Variants in CLHC1 observed in about 807,000 individuals in gnomAD.
CLHC1 encodes clathrin heavy chain linker domain containing 1.
In CLHC1, 72 loss-of-function variants were observed where a neutral mutation model predicts 69.5. The ratio of observed to expected loss-of-function variants is 1.04; its 90% CI spans 0.86 to 1.26. The LOEUF (loss-of-function observed/expected upper bound fraction) is 1.26. CLHC1 is among the 50% of genes most tolerant of loss of function. CLHC1 has a pLI of 0.00. For missense variants in CLHC1, 790 were observed against 679.3 expected (o/e 1.16, Z -1.81); for synonymous variants, 223 against 224.3 (o/e 0.99, Z 0.05).
intron 9 of CLHC1, among the ~76,000 whole-genome samples, chr2:55,187,279 CAAATA>C (rs58159859): frequency 0.13 from 16,145 of 127,158 alleles, 1,143 homozygotes; most frequent in East Asian, 0.2. Context: ...AACTCCATCT[CAAATA>C]AAATAAAATA....
chr2:55,195,594 G>C (rs1429216082), intron 9 of CLHC1, among the ~76,000 whole-genome samples: 3 of 152,120 alleles, frequency 2.0e-5, no homozygotes, highest in Non-Finnish European at 4.4e-5. Context: ...TTGAGGTCAG[G>C]AATTCGAGAC....
At position 55,210,394 on chromosome 2, in the gene CLHC1, C is replaced by T. The variant is rs1035926718; in HGVS notation, c.500-563G>A. Among the ~76,000 whole-genome samples, 4 of 151,766 alleles carry T rather than the reference C, an allele frequency of 2.6e-5. 1 individual carries two copies. In the Middle Eastern group the frequency reaches 0.01, roughly 387 times the overall value. On this transcript the variant is annotated intron_variant, in intron 5 of 12. Coordinates refer to ENST00000401408, the MANE Select transcript of CLHC1 (RefSeq NM_152385.4). ...TATTTTTAGTAGAGATGGGGTTTCA[C>T]CATGTTGGCCAGGCTGGTCTTGAAC...
At chr2:55,196,931 A>G (rs978162579) in intron 9 of CLHC1, among the ~76,000 whole-genome samples, 5 of 152,184 alleles carry the variant, frequency 3.3e-5, no homozygotes, top group African/African-American at 1.2e-4. Context: ...CTTGGATGGC[A>G]TTTATGGACC....
intron 5 of CLHC1, among the ~76,000 whole-genome samples, chr2:55,210,065 C>T (rs924522370): frequency 4.6e-5 from 7 of 152,118 alleles, no homozygotes; most frequent in Middle Eastern, 3.4e-3. Flanking sequence ...TGTTATGTTG[C>T]CCAGGCTAGT....
Position 55,188,340 on chromosome 2 carries a change from T to C in CLHC1, c.1007-6596A>G, listed in dbSNP as rs12477162. Among the ~76,000 whole-genome samples, 1,147 of 152,132 alleles carry C rather than the reference T, an allele frequency of 7.5e-3. 23 individuals are homozygous for C. Among genetic ancestry groups the C allele is most frequent in the South Asian group, 0.057 (276 of 4,806 alleles). ...TAACAAAAGGGTATATGTGTATACA[T>C]ATATATGAAAAGATACTCAATTTCA... On this transcript the variant is annotated intron_variant, in intron 9 of 12. Transcript: ENST00000401408.
intron 2 of CLHC1, among the ~76,000 whole-genome samples, chr2:55,223,563 G>A (rs1674380558): frequency 6.6e-6 from 1 of 152,072 alleles, no homozygotes; most frequent in Admixed American, 6.5e-5. Context: ...CTCGGCTTTG[G>A]GGACCGGATG....
Position 55,210,625 on chromosome 2 carries a change from T to C in CLHC1, c.500-794A>G, listed in dbSNP as rs569321042. On this transcript the variant is annotated intron_variant, in intron 5 of 12. Coordinates refer to ENST00000401408, the MANE Select transcript of CLHC1 (RefSeq NM_152385.4). Reference sequence around the variant, plus strand: ...CCCTGAAGACCCGTAAATATCACTGTTACTCAGTAACGCCACGAGCTTCTG... The same window carrying C: ...CCCTGAAGACCCGTAAATATCACTGCTACTCAGTAACGCCACGAGCTTCTG... 3.9e-5 allele frequency among the ~76,000 whole-genome samples: 6 copies of C among 152,326 alleles called. No homozygotes were observed. In the South Asian group the frequency reaches 1.0e-3, roughly 26 times the overall value.
chr2:55,221,869 C>T (rs1213015008), intron 3 of CLHC1, among the ~76,000 whole-genome samples: 1 of 152,106 alleles, frequency 6.6e-6, no homozygotes, highest in Non-Finnish European at 1.5e-5. Context: ...CCCAGCTATA[C>T]AGGAGGCTGA....
chr2:55,222,861 G>A (rs886230910), intron 2 of CLHC1, among the ~76,000 whole-genome samples: 12 of 150,172 alleles, frequency 8.0e-5, no homozygotes, highest in African/African-American at 3.0e-4. Context: ...GCGGAGTTGC[G>A]GTGAGCCGAG....
intron 1 of CLHC1, among the ~76,000 whole-genome samples, chr2:55,230,456 TTGTGACATATC>T (rs1484789580): frequency 3.9e-5 from 6 of 152,220 alleles, no homozygotes; most frequent in Non-Finnish European, 7.4e-5. Flanking sequence ...GAAGATGAAG[TTGTGACATATC>T]TGTGACATAT....
chr2:55,213,617 C>T (rs1172596341), intron 4 of CLHC1, among the ~76,000 whole-genome samples: 1 of 152,032 alleles, frequency 6.6e-6, no homozygotes, highest in Non-Finnish European at 1.5e-5. Flanking sequence ...TAAGTTTATC[C>T]AGAAATGAAA....
rs755476019 is a variant in CLHC1, at chr2:55,212,823, C to T, written c.366-17G>A. On this transcript the variant is annotated splice_polypyrimidine_tract_variant and intron_variant, in intron 4 of 12. Coordinates refer to ENST00000401408, the MANE Select transcript of CLHC1 (RefSeq NM_152385.4). ...ATCCTCATTCTGGAAAACAGAAAGG[C>T]TTTCTTATGTCTTTCAACTAACTTA... The T allele has an allele frequency of 6.3e-7, 1 of 1,581,054 alleles. No individual in the cohort carries two copies. Among genetic ancestry groups the T allele is most frequent in the South Asian group, 1.1e-5 (1 of 90,078 alleles).
chr2:55,196,327 G>C (rs969949882), intron 9 of CLHC1, among the ~76,000 whole-genome samples: 1 of 152,090 alleles, frequency 6.6e-6, no homozygotes, highest in Non-Finnish European at 1.5e-5. Context: ...GGACTTGGAA[G>C]GCATATTACC....
intron 9 of CLHC1, among the ~76,000 whole-genome samples, chr2:55,191,905 G>A (rs1183169579): frequency 6.6e-6 from 1 of 152,116 alleles, no homozygotes; most frequent in African/African-American, 2.4e-5. Flanking sequence ...TAGAGGCTGA[G>A]GAAGGAGGAT....
At chr2:55,203,324 G>T (rs1672137323) in intron 9 of CLHC1, among the ~76,000 whole-genome samples, 1 of 152,064 alleles carries the variant, frequency 6.6e-6, no homozygotes, top group Non-Finnish European at 1.5e-5. Context: ...AAATTTATAT[G>T]GAACCACAAA....
chr2:55,225,063 A>T (rs1412825313), intron 2 of CLHC1: 5 of 155,248 alleles, frequency 3.2e-5, no homozygotes, highest in African/African-American at 7.2e-5. Context: ...CAGATGCCAG[A>T]CCAGACAGAG....
chr2:55,181,778 C>G (rs368470015), intron 9 of CLHC1, 34 bp from the exon 10 acceptor site: 40 of 1,558,154 alleles, frequency 2.6e-5, no homozygotes, highest in Middle Eastern at 1.7e-4. Flanking sequence ...GAGTCAAATA[C>G]TTTAAGAAAT....
Position 55,181,130 on chromosome 2 carries a change from G to A in CLHC1, c.1182-418C>T, listed in dbSNP as rs111718090. Among the ~76,000 whole-genome samples, 255 of 152,124 alleles carry A rather than the reference G, an allele frequency of 1.7e-3. 2 individuals carry two copies. The Middle Eastern group carries it at 0.017, about 10-fold the overall frequency. Reference sequence around the variant, plus strand: ...TGAGTAGCAGGGACTACAGCCGTGCGCCACCATGCCTGGCTAATTTTTGTA... The same window carrying A: ...TGAGTAGCAGGGACTACAGCCGTGCACCACCATGCCTGGCTAATTTTTGTA... On this transcript the variant is annotated intron_variant, in intron 10 of 12. Coordinates refer to ENST00000401408, the MANE Select transcript of CLHC1 (RefSeq NM_152385.4).
Position 55,212,794 on chromosome 2 carries a change from G to C in CLHC1, c.378C>G (p.Ile126Met), listed in dbSNP as rs1323113578. 3 of 1,602,634 alleles carry C rather than the reference G, an allele frequency of 1.9e-6. No homozygotes were observed. The highest frequency in any genetic ancestry group is 2.7e-5 in the African/African-American group (2 of 74,792). ...TIQLEAKMRI[I>M]ESNSSKIQSQ... ...ATTGAATCTTCGAGGAATTACTTTC[G>C]ATAATCCTCATTCTGGAAAACAGAA... Residue 126 changes from isoleucine (I) to methionine (M), a missense_variant, in exon 5 of 13, where the codon ATC becomes ATG. By Grantham distance (10) the Ile-to-Met change is conservative. Transcript: ENST00000401408.
Sources: gnomAD v4.1 joint callset for allele counts (sites outside exome capture counted in the v4.1 genomes callset) on GRCh38, gnomAD v4.1.1 for gene constraint, MANE v1.5 for transcripts, NCBI Gene and HGNC (gene_info 2026-07-23, HGNC 2026-07-21) for gene names.